SV2C: variants seen among roughly 807,000 people sequenced by gnomAD.
SV2C encodes synaptic vesicle glycoprotein 2C.
SV2C carries 49 observed loss-of-function variants against 79.7 expected under a neutral mutation model. That is an observed-to-expected ratio of 0.61 (90% CI 0.49 to 0.78). The LOEUF is 0.78. SV2C is among the 30% of genes least tolerant of loss of function. The probability of loss-of-function intolerance (pLI) is 0.00; values close to 1 mark genes in which losing one functional copy is unlikely to be tolerated. For missense variants in SV2C, 833 were observed against 912.9 expected (o/e 0.91, Z 1.13); for synonymous variants, 334 against 333.2 (o/e 1.00, Z -0.03).
At chr5:75,874,140 A>G in the SV2C span, among the ~76,000 whole-genome samples, 1 of 152,160 alleles carries the variant, frequency 6.6e-6, no homozygotes, top group Non-Finnish European at 1.5e-5. Context: ...GACAAACATC[A>G]TGCAAAAATC....
At chr5:75,999,145 A>G in the SV2C span, among the ~76,000 whole-genome samples, 975 of 152,144 alleles carry the variant, frequency 6.4e-3, 12 homozygotes, top group African/African-American at 0.022. Context: ...CGAGAACAGC[A>G]TGGGAAAGAC....
chr5:75,979,209 A>G, the SV2C span, among the ~76,000 whole-genome samples: 3 of 152,276 alleles, frequency 2.0e-5, no homozygotes, highest in East Asian at 5.8e-4. Flanking sequence ...TGCACCCAAC[A>G]CAGGTGCACC....
chr5:76,196,605 G>A (rs538283241), intron 3 of SV2C, among the ~76,000 whole-genome samples: 2 of 152,170 alleles, frequency 1.3e-5, no homozygotes, highest in South Asian at 2.1e-4. Context: ...CAGTGAGTAG[G>A]TCCATAGGAT....
chr5:76,227,880 T>G (rs948032079), intron 4 of SV2C, among the ~76,000 whole-genome samples: 4 of 152,136 alleles, frequency 2.6e-5, no homozygotes, highest in African/African-American at 9.7e-5. Context: ...AGGGGAGGCA[T>G]TCATCTTGTC....
chr5:76,320,595 T>TA (rs747495261), intron 12 of SV2C, among the ~76,000 whole-genome samples: 42 of 151,680 alleles, frequency 2.8e-4, no homozygotes, highest in Admixed American at 2.1e-3. Context: ...TTCATATTTC[T>TA]AAAAAACAGC....
At chr5:76,139,262 C>G (rs370075938) in intron 2 of SV2C, among the ~76,000 whole-genome samples, 3 of 152,264 alleles carry the variant, frequency 2.0e-5, no homozygotes, top group East Asian at 3.9e-4. Flanking sequence ...TTTAGCCTAT[C>G]TATCTAGGGG....
chr5:76,350,880 G>A (rs246800), intron 12 of SV2C, among the ~76,000 whole-genome samples: 69,193 of 151,828 alleles, frequency 0.46, 16,487 homozygotes, highest in African/African-American at 0.56. Context: ...CAGGTGTGGT[G>A]GCACATGCTT....
At chr5:76,205,480 G>A (rs1310745595) in intron 3 of SV2C, among the ~76,000 whole-genome samples, 1 of 151,924 alleles carries the variant, frequency 6.6e-6, no homozygotes, top group Non-Finnish European at 1.5e-5. Flanking sequence ...ATTTTTGACA[G>A]CTAATAAAAT....
chr5:75,920,856 A>C, the SV2C span: 2 of 760,144 alleles, frequency 2.6e-6, no homozygotes, highest in Middle Eastern at 3.7e-4. Flanking sequence ...CACAGGGTGA[A>C]TCTTATTGTA....
At chr5:76,279,600 G>A (rs1747121974) in intron 4 of SV2C, among the ~76,000 whole-genome samples, 1 of 152,212 alleles carries the variant, frequency 6.6e-6, no homozygotes, top group Non-Finnish European at 1.5e-5. Flanking sequence ...ACAAAGACTG[G>A]TGGCCTTGGT....
At chr5:75,953,938 C>A in the SV2C span, among the ~76,000 whole-genome samples, 1 of 151,900 alleles carries the variant, frequency 6.6e-6, no homozygotes, top group Non-Finnish European at 1.5e-5. Flanking sequence ...AATCTTTATT[C>A]TGGAGTGTGC....
intron 1 of SV2C, among the ~76,000 whole-genome samples, chr5:76,099,949 T>C (rs1747683235): frequency 6.6e-6 from 1 of 152,240 alleles, no homozygotes; most frequent in Non-Finnish European, 1.5e-5. Flanking sequence ...TTCTGGCTCT[T>C]ATTTGAATTT....
At chr5:75,948,602 G>T in the SV2C span, among the ~76,000 whole-genome samples, 1 of 152,002 alleles carries the variant, frequency 6.6e-6, no homozygotes, top group African/African-American at 2.4e-5. Context: ...GCATAGGGTG[G>T]TGGTCAGGGA....
At chr5:75,902,281 G>A in the SV2C span, among the ~76,000 whole-genome samples, 1 of 152,074 alleles carries the variant, frequency 6.6e-6, no homozygotes, top group Non-Finnish European at 1.5e-5. Flanking sequence ...CAGTAATCTG[G>A]GTCTTCTTTC....
At chr5:76,275,184 G>A (rs554790224) in intron 4 of SV2C, among the ~76,000 whole-genome samples, 9 of 152,120 alleles carry the variant, frequency 5.9e-5, no homozygotes, top group Non-Finnish European at 1.2e-4. Flanking sequence ...TCACATAACC[G>A]ACAGTCAAAT....
At chr5:75,920,957 C>A in the SV2C span, 2 of 719,342 alleles carry the variant, frequency 2.8e-6, no homozygotes, top group Non-Finnish European at 5.1e-6. Flanking sequence ...GATGGCCCGG[C>A]CCCTGAGGAG....
intron 1 of SV2C, among the ~76,000 whole-genome samples, chr5:76,094,004 T>C (rs1747463588): frequency 6.6e-6 from 1 of 152,136 alleles, no homozygotes; most frequent in African/African-American, 2.4e-5. Context: ...TCCCTGCTAC[T>C]TGGGAGGTTT....
At chr5:76,076,005 A>T in the SV2C span, 1 of 156,564 alleles carries the variant, frequency 6.4e-6, no homozygotes, top group African/African-American at 2.4e-5. Context: ...TCTTATTTCC[A>T]TTGAGCCTTT....
At chr5:76,263,534 A>T (rs1262909593) in intron 4 of SV2C, among the ~76,000 whole-genome samples, 2 of 152,072 alleles carry the variant, frequency 1.3e-5, no homozygotes, top group Non-Finnish European at 2.9e-5. Flanking sequence ...GTTGCCCATT[A>T]GTTGATGCAG....
Sources: allele counts gnomAD v4.1 joint callset (sites outside exome capture counted in the v4.1 genomes callset), GRCh38; gene constraint gnomAD v4.1.1; transcripts MANE v1.5; gene names NCBI Gene and HGNC (gene_info 2026-07-23, HGNC 2026-07-21).